Variants in CNTNAP2 observed in about 807,000 individuals in gnomAD.
CNTNAP2 encodes the protein contactin associated protein 2.
In CNTNAP2, 98 loss-of-function variants were observed where a neutral mutation model predicts 155.2. That is an observed-to-expected ratio of 0.63 (90% confidence interval 0.54 to 0.75). CNTNAP2 has a LOEUF of 0.75. Among genes scored for constraint, CNTNAP2 ranks in the 30% least tolerant of loss-of-function variants. The probability of loss-of-function intolerance (pLI) is 0.00; values close to 1 mark genes in which losing one functional copy is unlikely to be tolerated. For synonymous variants in CNTNAP2, 651 were observed against 631.2 expected (o/e 1.03, Z -0.47); for missense variants, 1,727 against 1,688.1 (o/e 1.02, Z -0.40).
chr7:147,602,491 CT>C (rs34255836), intron 12 of CNTNAP2, among the ~76,000 whole-genome samples: 100,420 of 147,970 alleles, frequency 0.68, 34,093 homozygotes, highest in African/African-American at 0.76. Flanking sequence ...CATCCTACAT[CT>C]TTTTTTTTTT....
Position 147,998,334 on chromosome 7 carries a change from A to T in CNTNAP2, c.2383+20345A>T, listed in dbSNP as rs976401389. 2.0e-4 allele frequency among the ~76,000 whole-genome samples: 30 copies of T among 151,782 alleles called. 1 individual carries two copies. Among genetic ancestry groups the T allele is most frequent in the African/African-American group, 6.5e-4 (27 of 41,396 alleles). ...CACCGTGTTGGCCAGGCTGGTCTCG[A>T]TCTCCTGACCTGGTGATCCGCCCAC... On this transcript the variant is annotated intron_variant, in intron 15 of 23. Transcript: ENST00000361727.
intron 1 of CNTNAP2, among the ~76,000 whole-genome samples, chr7:146,495,381 T>G (rs2129132079): frequency 6.6e-6 from 1 of 152,274 alleles, no homozygotes; most frequent in African/African-American, 2.4e-5. Context: ...GGGGGAGAGT[T>G]AACTGGATTA....
chr7:146,554,182 C>T, intron 1 of CNTNAP2, among the ~76,000 whole-genome samples: 1 of 152,190 alleles, frequency 6.6e-6, no homozygotes, highest in East Asian at 1.9e-4. Context: ...AGGCCGCCTT[C>T]TGACCTCCTG....
chr7:148,185,281 CT>C (rs1795098902), intron 18 of CNTNAP2, among the ~76,000 whole-genome samples: 1 of 152,208 alleles, frequency 6.6e-6, no homozygotes, highest in Non-Finnish European at 1.5e-5. Flanking sequence ...ATTCCTGTCT[CT>C]GTCATGGAAT....
At chr7:147,538,252 C>G (rs1028182057) in intron 11 of CNTNAP2, among the ~76,000 whole-genome samples, 2 of 152,208 alleles carry the variant, frequency 1.3e-5, no homozygotes, top group African/African-American at 4.8e-5. Context: ...AAAATTTCTT[C>G]TATTGCAGAC....
intron 1 of CNTNAP2, among the ~76,000 whole-genome samples, chr7:146,685,518 T>G (rs542540943): frequency 6.6e-6 from 1 of 152,314 alleles, no homozygotes; most frequent in South Asian, 2.1e-4. Flanking sequence ...AATACATCCT[T>G]TCTCAGATAT....
intron 1 of CNTNAP2, among the ~76,000 whole-genome samples, chr7:146,224,334 T>A (rs1416670030): frequency 6.6e-6 from 1 of 152,022 alleles, no homozygotes; most frequent in East Asian, 1.9e-4. Flanking sequence ...TAATTGACGG[T>A]TTTATTGTAA....
chr7:148,262,325 T>A (rs1317578853), intron 20 of CNTNAP2, among the ~76,000 whole-genome samples: 1 of 152,168 alleles, frequency 6.6e-6, no homozygotes, highest in African/African-American at 2.4e-5. Flanking sequence ...TTGTACAAGG[T>A]CTGTTATTTT....
chr7:146,621,895 C>A (rs1028045865), intron 1 of CNTNAP2, among the ~76,000 whole-genome samples: 2 of 151,932 alleles, frequency 1.3e-5, no homozygotes, highest in African/African-American at 4.8e-5. Flanking sequence ...ATTATTCCTC[C>A]CCATTTATTC....
intron 1 of CNTNAP2, among the ~76,000 whole-genome samples, chr7:146,401,173 T>G (rs1294511780): frequency 6.6e-6 from 1 of 152,190 alleles, no homozygotes; most frequent in African/African-American, 2.4e-5. Context: ...ACTTTCCTAA[T>G]GTTTTCTATA....
chr7:148,319,825 G>C (rs572110349), intron 21 of CNTNAP2, among the ~76,000 whole-genome samples: 1 of 151,778 alleles, frequency 6.6e-6, no homozygotes, highest in South Asian at 2.1e-4. Context: ...CTGCATTATA[G>C]TAAGTTGTAT....
intron 8 of CNTNAP2, among the ~76,000 whole-genome samples, chr7:147,244,426 T>C (rs1254026733): frequency 3.3e-5 from 5 of 152,190 alleles, no homozygotes. Flanking sequence ...GTCTCCAAAA[T>C]AGATATATAA....
intron 12 of CNTNAP2, among the ~76,000 whole-genome samples, chr7:147,635,567 G>T (rs1278913634): frequency 6.6e-6 from 1 of 152,184 alleles, no homozygotes; most frequent in Non-Finnish European, 1.5e-5. Context: ...AACAGATAAT[G>T]CATAGGGGTT....
intron 15 of CNTNAP2, among the ~76,000 whole-genome samples, chr7:148,033,555 G>C (rs370559979): frequency 8.5e-5 from 13 of 152,220 alleles, no homozygotes; most frequent in East Asian, 1.9e-4. Flanking sequence ...TCTTACTTAT[G>C]AGTGAGAACA....
chr7:147,062,736 G>A (rs1799706841), intron 4 of CNTNAP2, among the ~76,000 whole-genome samples: 1 of 152,014 alleles, frequency 6.6e-6, no homozygotes, highest in Admixed American at 6.6e-5. Context: ...TCTTCCCTTT[G>A]GTAGTGCATA....
At chr7:146,770,871 G>T (rs139298998) in intron 1 of CNTNAP2, among the ~76,000 whole-genome samples, 3 of 151,998 alleles carry the variant, frequency 2.0e-5, no homozygotes, top group African/African-American at 7.2e-5. Context: ...TACATTCAAC[G>T]CAACCATATC....
intron 12 of CNTNAP2, among the ~76,000 whole-genome samples, chr7:147,609,507 G>A (rs868674328): frequency 1.3e-5 from 2 of 152,124 alleles, no homozygotes; most frequent in Non-Finnish European, 1.5e-5. Flanking sequence ...CTCCAGCCTG[G>A]GTGACAGAGC....
intron 1 of CNTNAP2, among the ~76,000 whole-genome samples, chr7:146,682,556 A>T (rs1386312123): frequency 6.6e-6 from 1 of 152,188 alleles, no homozygotes; most frequent in Admixed American, 6.5e-5. Context: ...CACACGTATC[A>T]CTGGGAGAAA....
intron 1 of CNTNAP2, among the ~76,000 whole-genome samples, chr7:146,213,319 C>T (rs908815076): frequency 2.0e-5 from 3 of 152,118 alleles, no homozygotes; most frequent in African/African-American, 7.2e-5. Flanking sequence ...GAGTGGAAGC[C>T]TTGGCTATTG....
Sources: allele counts gnomAD v4.1 joint callset (sites outside exome capture counted in the v4.1 genomes callset), GRCh38; gene constraint gnomAD v4.1.1; transcripts MANE v1.5; gene names NCBI Gene and HGNC (gene_info 2026-07-23, HGNC 2026-07-21).